The following CLSTN2 variants were observed in gnomAD, a reference collection of about 807,000 sequenced individuals.
The protein encoded by CLSTN2 is calsyntenin-2.
In CLSTN2, 48 loss-of-function variants were observed where a neutral mutation model predicts 101.2. That is an observed-to-expected ratio of 0.47 (90% confidence interval 0.38 to 0.60). CLSTN2 has a LOEUF of 0.60. CLSTN2 is among the 20% of genes least tolerant of loss of function. The pLI is 0.00. For synonymous variants in CLSTN2, 481 were observed against 463.6 expected, an observed-to-expected ratio of 1.04 and a Z score of -0.48; for missense variants, 1,160 against 1,238.2, an observed-to-expected ratio of 0.94 and a Z score of 0.95.
intron 2 of CLSTN2, among the ~76,000 whole-genome samples, chr3:140,389,331 C>T (rs2088087132): frequency 6.6e-6 from 1 of 152,164 alleles, no homozygotes; most frequent in Non-Finnish European, 1.5e-5. Context: ...TTGTTCCCCT[C>T]CCCATGTCCA....
chr3:140,410,948 A>T (rs2088356936), intron 4 of CLSTN2, among the ~76,000 whole-genome samples: 2 of 152,204 alleles, frequency 1.3e-5, no homozygotes, highest in Non-Finnish European at 2.9e-5. Context: ...CAAAAAAATA[A>T]AGAGAAAGGA....
At chr3:140,303,868 T>G (rs2087085668) in intron 2 of CLSTN2, among the ~76,000 whole-genome samples, 1 of 151,312 alleles carries the variant, frequency 6.6e-6, no homozygotes. Context: ...GGATCAACAT[T>G]CACTGGGAGG....
At chr3:140,527,537 G>A (rs1247300192) in intron 8 of CLSTN2, among the ~76,000 whole-genome samples, 2 of 152,150 alleles carry the variant, frequency 1.3e-5, no homozygotes, top group Admixed American at 6.5e-5. Flanking sequence ...ACTTAAAACA[G>A]AATTACAATT....
At position 140,466,623 on chromosome 3, in the gene CLSTN2, T is replaced by A; in HGVS notation, c.1236T>A (p.His412Gln). The A allele has an allele frequency of 6.2e-7, 1 of 1,614,154 alleles. No individual in the cohort carries two copies. The highest frequency in any genetic ancestry group is 8.5e-7 in the Non-Finnish European group (1 of 1,180,000). ...TCTGCTTTTCAGAAATGAACCGGCA[T>A]CACTATGCCCTGTATGTGCACAACT... ...CNSDKTEMNR[H>Q]HYALYVHNCR... is the part of the protein sequence containing the mutation. The change falls in exon 8 of 17, where the codon CAT (histidine) becomes CAA (glutamine). Residue 412 changes from histidine (H) to glutamine (Q), a missense_variant. Transcript: ENST00000458420.
At chr3:140,540,649 C>T (rs920315114) in intron 9 of CLSTN2, among the ~76,000 whole-genome samples, 1 of 152,206 alleles carries the variant, frequency 6.6e-6, no homozygotes, top group Non-Finnish European at 1.5e-5. Context: ...GGATTCATGG[C>T]CCCCAGTCCT....
intron 5 of CLSTN2, among the ~76,000 whole-genome samples, chr3:140,438,691 C>T (rs2088713420): frequency 6.6e-6 from 1 of 152,066 alleles, no homozygotes; most frequent in Non-Finnish European, 1.5e-5. Flanking sequence ...CTGGAAGATG[C>T]TCATGTTTAT....
intron 1 of CLSTN2, among the ~76,000 whole-genome samples, chr3:140,092,426 C>T (rs931010740): frequency 4.6e-5 from 7 of 152,210 alleles, no homozygotes; most frequent in African/African-American, 1.7e-4. Flanking sequence ...TATTGACAAA[C>T]ATTATCTGTT....
chr3:140,075,329 T>G (rs1178254985), intron 1 of CLSTN2, among the ~76,000 whole-genome samples: 1 of 152,218 alleles, frequency 6.6e-6, no homozygotes, highest in Admixed American at 6.5e-5. Flanking sequence ...CCTCCACTGC[T>G]TCAGCCAAAT....
At chr3:140,445,033 TC>T (rs1933042255) in intron 5 of CLSTN2, among the ~76,000 whole-genome samples, 1 of 152,212 alleles carries the variant, frequency 6.6e-6, no homozygotes, top group South Asian at 2.1e-4. Flanking sequence ...GAAAGCTTCA[TC>T]AATTTCTTTT....
rs2087202778 is a variant in CLSTN2 at position 140,314,013 on chromosome 3, G to T, written c.233-89616G>T. 3.9e-5 allele frequency among the ~76,000 whole-genome samples: 6 copies of T among 152,176 alleles called. No homozygotes were observed. In the South Asian group the frequency reaches 1.2e-3, roughly 31 times the overall value. ...GTAGTATACAGTGGTTCAAGGAAATGATGTGCTTTGTGTGACTGGGAGTTT... is the reference window on the plus strand; with the variant it reads ...GTAGTATACAGTGGTTCAAGGAAATTATGTGCTTTGTGTGACTGGGAGTTT... On this transcript the variant is annotated intron_variant, in intron 2 of 16. Transcript: ENST00000458420.
chr3:140,235,482 A>G (rs2086409182), intron 2 of CLSTN2, among the ~76,000 whole-genome samples: 1 of 152,206 alleles, frequency 6.6e-6, no homozygotes, highest in Non-Finnish European at 1.5e-5. Context: ...AATGGTGTTA[A>G]CTGATAAACC....
At chr3:140,087,024 T>A (rs2008693087) in intron 1 of CLSTN2, among the ~76,000 whole-genome samples, 1 of 152,208 alleles carries the variant, frequency 6.6e-6, no homozygotes, top group South Asian at 2.1e-4. Context: ...AAATGGTAGA[T>A]CCCAAATTTG....
At chr3:140,565,612 C>T (rs1316181340) in intron 16 of CLSTN2, among the ~76,000 whole-genome samples, 1 of 152,140 alleles carries the variant, frequency 6.6e-6, no homozygotes, top group Admixed American at 6.5e-5. Flanking sequence ...GCCTTCTGCT[C>T]CCAGGGACAT....
At chr3:140,056,649 C>T (rs1166562334) in intron 1 of CLSTN2, among the ~76,000 whole-genome samples, 4 of 152,074 alleles carry the variant, frequency 2.6e-5, no homozygotes, top group Non-Finnish European at 4.4e-5. Flanking sequence ...ATTCAGAGGC[C>T]CTTCAGGGCT....
intron 2 of CLSTN2, among the ~76,000 whole-genome samples, chr3:140,292,585 G>C (rs1055241341): frequency 6.6e-6 from 1 of 152,194 alleles, no homozygotes; most frequent in Non-Finnish European, 1.5e-5. Flanking sequence ...CTTCAGGCCT[G>C]TTAGAACTAC....
chr3:140,097,820 G>A (rs2008896565), intron 1 of CLSTN2, among the ~76,000 whole-genome samples: 1 of 152,160 alleles, frequency 6.6e-6, no homozygotes, highest in Non-Finnish European at 1.5e-5. Flanking sequence ...TTTAAGATTA[G>A]GAGATAAAGA....
intron 1 of CLSTN2, among the ~76,000 whole-genome samples, chr3:139,984,402 C>T (rs1935987781): frequency 6.6e-6 from 1 of 152,192 alleles, no homozygotes; most frequent in African/African-American, 2.4e-5. Context: ...TCTCCCTTCA[C>T]CCTGTTCCTA....
In CLSTN2 at chr3:140,240,580, A is replaced by G. The variant is rs146726738; in HGVS notation, c.232+64507A>G. On this transcript the variant is annotated intron_variant, in intron 2 of 16. Transcript: ENST00000458420. ...TTGTTGAGAGGACAGATGAGTTAAC[A>G]TTTATACAGGTGTAAAGTGATACAC... 9.2e-5 allele frequency among the ~76,000 whole-genome samples: 14 copies of G among 152,132 alleles called. No individual in the cohort carries two copies. The East Asian group carries it at 2.7e-3, about 30-fold the overall frequency.
intron 1 of CLSTN2, among the ~76,000 whole-genome samples, chr3:140,057,588 C>G (rs142918111): frequency 6.6e-6 from 1 of 152,132 alleles, no homozygotes; most frequent in African/African-American, 2.4e-5. Context: ...GTCATATTTA[C>G]ATTTTATTTT....
Sources: gnomAD v4.1 joint callset for allele counts (sites outside exome capture counted in the v4.1 genomes callset) on GRCh38, gnomAD v4.1.1 for gene constraint, MANE v1.5 for transcripts, NCBI Gene and HGNC (gene_info 2026-07-23, HGNC 2026-07-21) for gene names.